The following MIGA2 variants were observed in gnomAD, a reference collection of about 807,000 sequenced individuals.
MIGA2 encodes the protein mitoguardin 2, also known as family with sequence similarity 73, member B.
MIGA2 carries 36 observed loss-of-function variants against 69.9 expected under a neutral mutation model. That is an observed-to-expected ratio of 0.52 (90% CI 0.39 to 0.68). MIGA2 has a LOEUF of 0.68. Ranked by LOEUF, MIGA2 falls within the 30% of genes least tolerant of loss-of-function variation. The pLI, the probability that MIGA2 is intolerant of heterozygous loss-of-function variation, is 0.00. For synonymous variants in MIGA2, 333 were observed against 349.2 expected, an observed-to-expected ratio of 0.95 and a Z score of 0.52; for missense variants, 660 against 787.7, an observed-to-expected ratio of 0.84 and a Z score of 1.94.
intron 11 of MIGA2, among the ~76,000 whole-genome samples, chr9:129,064,992 A>G (rs1188479335): frequency 6.6e-6 from 1 of 152,034 alleles, no homozygotes; most frequent in Non-Finnish European, 1.5e-5. Flanking sequence ...TATGTTGCCC[A>G]GGAAGATCTC....
At chr9:129,046,380 C>G (rs2131350445) in intron 3 of MIGA2, among the ~76,000 whole-genome samples, 1 of 152,174 alleles carries the variant, frequency 6.6e-6, no homozygotes, top group Admixed American at 6.6e-5. Flanking sequence ...ACCTGTAATC[C>G]CAGTACTTTG....
At position 129,057,628 on chromosome 9, in the gene MIGA2, AGAGTCTC is replaced by A. The variant is rs1845863226; in HGVS notation, c.676-1524_676-1518del. On this transcript the variant is annotated intron_variant, in intron 6 of 15. Transcript: ENST00000684074. ...TTCATTTATTTATTTATTTTGAGAC[AGAGTCTC>A]GCTCTGTCACCAAGGCTGGAGTGCA... Among the ~76,000 whole-genome samples, 3 of 140,030 alleles carry A rather than the reference AGAGTCTC, an allele frequency of 2.1e-5. No homozygotes were observed. The South Asian group carries it at 6.9e-4, about 32-fold the overall frequency. The allele number at this position is 140,030 out of a possible 152,430, so 91.9% of individuals were successfully genotyped here.
chr9:129,067,135 C>CAAAAAA (rs774512522), intron 11 of MIGA2, among the ~76,000 whole-genome samples: 1 of 52,000 alleles, frequency 1.9e-5, no homozygotes, highest in Admixed American at 2.1e-4. Context: ...GACTCCATCT[C>CAAAAAA]AAAAAAAAAA....
intron 6 of MIGA2, among the ~76,000 whole-genome samples, chr9:129,051,628 C>G (rs1048901036): frequency 4.0e-5 from 6 of 150,792 alleles, no homozygotes; most frequent in Non-Finnish European, 8.9e-5. Context: ...CGGAGTCTTG[C>G]TCTGCCGCCC....
intron 11 of MIGA2, among the ~76,000 whole-genome samples, chr9:129,067,000 G>C (rs1008313340): frequency 1.2e-4 from 18 of 147,870 alleles, no homozygotes; most frequent in African/African-American, 4.5e-4. Context: ...GCCGGGCGTG[G>C]TGGCAGGCAC....
In MIGA2 at chr9:129,061,334, G is replaced by A. The variant is rs755285604; in HGVS notation, c.998G>A (p.Cys333Tyr). The A allele has an allele frequency of 5.6e-6, 9 of 1,597,256 alleles. No individual in the cohort carries two copies. The African/African-American group carries it at 1.2e-4, about 21-fold the overall frequency. Reference protein sequence around the residue: ...LQLVKEGRVPCRTLRTELLGC... With the variant: ...LQLVKEGRVPYRTLRTELLGC... ...CTGGTGAAGGAGGGGAGAGTGCCTT[G>A]CCGGACCCTCAGGTGAGCAGGTGTG... Residue 333 changes from cysteine (C) to tyrosine (Y), a missense_variant, in exon 9 of 16, where the codon TGC becomes TAC. Cys to Tyr is a radical substitution (Grantham distance 194). This residue lies in a region of MIGA2 where 386 missense variants were observed against 402.0 expected (regional missense o/e 0.96). Coordinates refer to ENST00000684074, the MANE Select transcript of MIGA2 (RefSeq NM_001329990.2). This position sits in a 1 kb window ranked among gnomAD's most constrained non-coding sequence, Gnocchi z 5.0.
In MIGA2 at chr9:129,049,465, A is replaced by C. The variant is rs767123218; in HGVS notation, c.505A>C (p.Ser169Arg). 1.6e-4 allele frequency: 259 copies of C among 1,613,508 alleles called. No homozygotes were observed. The highest frequency in any genetic ancestry group is 2.1e-4 in the Non-Finnish European group (249 of 1,179,894). Reference sequence around the variant, plus strand: ...AGGGATGGAGGAGTCTCTGACCACCAGCGACGGCAATGCAGAGAGCCTGTA... The same window carrying C: ...AGGGATGGAGGAGTCTCTGACCACCCGCGACGGCAATGCAGAGAGCCTGTA... ...ARGMEESLTT[S>R]DGNAESLYMQ... The change falls in exon 5 of 16, where the codon AGC becomes CGC. Residue 169 changes from serine (S) to arginine (R), a missense_variant. This residue lies in a region of MIGA2 where 386 missense variants were observed against 402.0 expected (regional missense o/e 0.96). Coordinates refer to ENST00000684074, the MANE Select transcript of MIGA2 (RefSeq NM_001329990.2).
At chr9:129,058,484 T>G (rs568394417) in intron 6 of MIGA2, among the ~76,000 whole-genome samples, 10 of 150,310 alleles carry the variant, frequency 6.7e-5, no homozygotes, top group African/African-American at 2.4e-4. Context: ...AAGTCCACAA[T>G]TTTCTTTCTT....
In MIGA2 at chr9:129,068,237, A is replaced by C; in HGVS notation, c.1309A>C (p.Ile437Leu). The C allele has an allele frequency of 6.2e-7, 1 of 1,613,596 alleles. No homozygotes were observed. Among genetic ancestry groups the C allele is most frequent in the Non-Finnish European group, 8.5e-7 (1 of 1,179,978 alleles). ...CTTCTTCGACATCGTGCTGGACTTC[A>C]TCCTCATGGACGCCTTCGAGGACCT... The part of the protein sequence containing the change: ...MSFFDIVLDF[I>L]LMDAFEDLEN... The change falls in exon 13 of 16, where the codon ATC (isoleucine) becomes CTC (leucine). Residue 437 changes from isoleucine to leucine, a missense_variant. Around this residue, in one of 3 missense-constraint regions of MIGA2, gnomAD observed 220 missense variants for 301.7 expected, o/e 0.73. Coordinates refer to ENST00000684074, the MANE Select transcript of MIGA2 (RefSeq NM_001329990.2). This position sits in a 1 kb window ranked among gnomAD's most constrained non-coding sequence, Gnocchi z 4.1.
chr9:129,043,451 A>G (rs1186064001), intron 3 of MIGA2, among the ~76,000 whole-genome samples: 1 of 148,796 alleles, frequency 6.7e-6, no homozygotes, highest in Admixed American at 6.7e-5. Flanking sequence ...CAGTGGCACA[A>G]TCTCGGTTCA....
In MIGA2 at chr9:129,070,849, C is replaced by A; in HGVS notation, c.*396C>A. On this transcript the variant is annotated 3_prime_UTR_variant, in exon 16 of 16. Coordinates refer to ENST00000684074, the MANE Select transcript of MIGA2 (RefSeq NM_001329990.2). ...TCACAGTGTCCTGAGCTAGAAGCCA[C>A]CTGTGGCTATATGGTCTCAGCATCC... The A allele has an allele frequency of 5.0e-6, 1 of 198,546 alleles. No homozygotes were observed. Among genetic ancestry groups the A allele is most frequent in the Non-Finnish European group, 1.0e-5 (1 of 97,394 alleles). 12.3% of individuals were successfully genotyped at this position (198,546 alleles called of 1,614,324 possible). A position where few individuals can be genotyped will look rare whatever the true frequency, so the allele number is the denominator to read the frequency against.
chr9:129,067,442 G>A (rs1846420390), intron 11 of MIGA2: 1 of 306,668 alleles, frequency 3.3e-6, no homozygotes, highest in Non-Finnish European at 6.2e-6. Context: ...TCCTGTTGAG[G>A]TCCAAGGTCA....
chr9:129,068,384 G>A lies in MIGA2; in HGVS notation c.1404+52G>A. On this transcript the variant is annotated intron_variant, in intron 13 of 15. Transcript: ENST00000684074. The surrounding 1 kb of genome is among the most constrained non-coding windows in gnomAD (Gnocchi z 4.1). ...CACACTTGCTCACATCAGCCCGTGT[G>A]GTTGCCTGGCTCCGTCCCCTCTGTC... is the stretch of plus-strand genomic sequence containing the variant. 2 of 1,595,138 alleles carry A rather than the reference G, an allele frequency of 1.3e-6. No homozygotes were observed. Among genetic ancestry groups the A allele is most frequent in the South Asian group, 2.2e-5 (2 of 90,200 alleles).
intron 11 of MIGA2, among the ~76,000 whole-genome samples, chr9:129,065,758 C>G (rs1257864176): frequency 6.6e-6 from 1 of 152,130 alleles, no homozygotes; most frequent in African/African-American, 2.4e-5. Context: ...TTCCTGTGTC[C>G]TCCTCCCTCT....
chr9:129,068,123 C>T lies in MIGA2; in HGVS notation c.1270-75C>T, dbSNP rs1488947884. 6.2e-7 allele frequency: 1 copy of T among 1,602,058 alleles called. No individual in the cohort carries two copies. Among genetic ancestry groups the T allele is most frequent in the South Asian group, 1.1e-5 (1 of 90,574 alleles). On this transcript the variant is annotated intron_variant, in intron 12 of 15. Coordinates refer to ENST00000684074, the MANE Select transcript of MIGA2 (RefSeq NM_001329990.2). This position sits in a 1 kb window ranked among gnomAD's most constrained non-coding sequence, Gnocchi z 4.1. ...TCATGCCCTGGACCCCAGCTTCAGTCTCCCCATCTGGAAAGTGGCCCCGAG... is the reference window on the plus strand; with the variant it reads ...TCATGCCCTGGACCCCAGCTTCAGTTTCCCCATCTGGAAAGTGGCCCCGAG...
At position 129,070,642 on chromosome 9, in the gene MIGA2, G is replaced by T. The variant is rs1383892532; in HGVS notation, c.*189G>T. 7 of 619,176 alleles carry T rather than the reference G, an allele frequency of 1.1e-5. No homozygotes were observed. The highest frequency in any genetic ancestry group is 1.9e-5 in the Non-Finnish European group (7 of 364,014). The allele number at this position is 619,176 out of a possible 1,614,324, so 38.4% of individuals were successfully genotyped here. A position where few individuals can be genotyped will look rare whatever the true frequency, so the allele number is the denominator to read the frequency against. ...GGTTCCTGGGGGAAGCAGAGGCCAG[G>T]ACCAGTGGGGCCTGTGGGAGAGAAA... On this transcript the variant is annotated 3_prime_UTR_variant, in exon 16 of 16. Transcript: ENST00000684074.
chr9:129,063,375 T>C, intron 10 of MIGA2, 59 bp downstream of exon 10: 1 of 1,598,794 alleles, frequency 6.3e-7, no homozygotes. Flanking sequence ...AGGCTGGCCA[T>C]GGCTGTGTGG....
At chr9:129,042,605 GC>G in intron 3 of MIGA2, 91 bp downstream of exon 3, 1 of 1,330,754 alleles carries the variant, frequency 7.5e-7, no homozygotes, top group South Asian at 1.3e-5. Context: ...GGGATATTGG[GC>G]CAGTGTCTTC....
chr9:129,067,997 C>CCCGGTT, intron 12 of MIGA2, 126 bp downstream of exon 12: 3 of 1,287,202 alleles, frequency 2.3e-6, no homozygotes, highest in Non-Finnish European at 3.3e-6. Flanking sequence ...GCTCATAGTC[C>CCCGGTT]CCGGTTCCTG....
Sources: allele counts gnomAD v4.1 joint callset (sites outside exome capture counted in the v4.1 genomes callset), GRCh38; gene constraint gnomAD v4.1.1; regional missense constraint gnomAD v4.1.1; non-coding constraint Gnocchi (gnomAD v3.1); transcripts MANE v1.5; gene names NCBI Gene and HGNC (gene_info 2026-07-23, HGNC 2026-07-21).